Variants in TCF7 observed in about 807,000 individuals in gnomAD.
TCF7 encodes transcription factor 7.
TCF7 carries 19 observed loss-of-function variants against 46.8 expected under a neutral mutation model. The observed-to-expected ratio is 0.41, with a 90% CI of 0.28 to 0.60. The LOEUF is 0.60. Among genes scored for constraint, TCF7 ranks in the 20% least tolerant of loss-of-function variants. TCF7 has a pLI of 0.35. For missense variants in TCF7, 547 were observed against 504.6 expected (o/e 1.08, Z -0.81); for synonymous variants, 245 against 213.4 (o/e 1.15, Z -1.29).
At chr5:134,138,287 G>A in intron 4 of TCF7, 123 bp downstream of exon 4, 1 of 794,902 alleles carries the variant, frequency 1.3e-6, no homozygotes, top group South Asian at 1.9e-5. Context: ...TGCAAACTAA[G>A]GGCCCAAAGA....
chr5:134,138,500 G>A, intron 4 of TCF7: 2 of 310,036 alleles, frequency 6.5e-6, no homozygotes, highest in Non-Finnish European at 1.2e-5. Flanking sequence ...TGTGATGGCT[G>A]ATTCACCTCA....
intron 3 of TCF7, among the ~76,000 whole-genome samples, chr5:134,116,245 C>T (rs1755827447): frequency 6.6e-6 from 1 of 152,240 alleles, no homozygotes; most frequent in South Asian, 2.1e-4. Flanking sequence ...TGCCCTCTGC[C>T]TCTTGGCTTT....
rs1236493257 is a variant in TCF7 at position 134,115,551 on chromosome 5, C to T, written c.316+164C>T. 3.5e-6 allele frequency: 5 copies of T among 1,440,826 alleles called. No homozygotes were observed. In the African/African-American group the frequency reaches 5.9e-5, roughly 17 times the overall value. 89.3% of individuals were successfully genotyped at this position (1,440,826 alleles called of 1,614,324 possible). On this transcript the variant is annotated intron_variant, in intron 2 of 9. Transcript: ENST00000342854. ...TGGGGGGCGGGCTTCCCGGGCGCCG[C>T]CGGGTCGAGTCACTTCCGGTGCCCT... is the stretch of plus-strand genomic sequence containing the variant.
chr5:134,110,601 G>A (rs1755315496), upstream of TCF7, among the ~76,000 whole-genome samples: 1 of 152,250 alleles, frequency 6.6e-6, no homozygotes, highest in African/African-American at 2.4e-5. Flanking sequence ...TGCCCTGAGA[G>A]GATGCTCCAT....
chr5:134,118,897 T>C (rs1357411277), intron 3 of TCF7, among the ~76,000 whole-genome samples: 2 of 152,176 alleles, frequency 1.3e-5, no homozygotes, highest in Non-Finnish European at 2.9e-5. Flanking sequence ...TCCTCCCACC[T>C]CAGCCTTCTG....
In TCF7 at chr5:134,142,746, GAGA is replaced by G. The variant is rs780660501; in HGVS notation, c.784_786del (p.Lys262del). 8 of 1,614,176 alleles carry G rather than the reference GAGA, an allele frequency of 5.0e-6. No homozygotes were observed. The South Asian group carries it at 7.7e-5, about 16-fold the overall frequency. ...GAAGACACAAGCAGAGTCCAAGGCA[GAGA>G]AGGAGGCCAAGAAGCCAACCATCAA... On this transcript the variant is annotated inframe_deletion, in exon 7 of 10. Transcript: ENST00000342854.
intron 3 of TCF7, among the ~76,000 whole-genome samples, chr5:134,121,585 CAA>C (rs372851057): frequency 0.15 from 15,262 of 99,932 alleles, 1,106 homozygotes; most frequent in African/African-American, 0.24. Context: ...CCAGACTCCT[CAA>C]AAAAAAAAAA....
intron 3 of TCF7, among the ~76,000 whole-genome samples, chr5:134,134,519 CCTGG>C (rs1758587224): frequency 6.6e-6 from 1 of 152,188 alleles, no homozygotes; most frequent in Admixed American, 6.5e-5. Flanking sequence ...GCTGATGTTG[CCTGG>C]CTGGCTGGTG....
At chr5:134,122,147 C>G (rs1470593456) in intron 3 of TCF7, among the ~76,000 whole-genome samples, 6 of 152,138 alleles carry the variant, frequency 3.9e-5, no homozygotes, top group Admixed American at 3.9e-4. Flanking sequence ...CCTTTCAAAA[C>G]CAGGAGAGCA....
chr5:134,125,342 C>T (rs1051130259), intron 3 of TCF7, among the ~76,000 whole-genome samples: 4 of 152,230 alleles, frequency 2.6e-5, no homozygotes, highest in East Asian at 1.9e-4. Context: ...TCCCAGAGGA[C>T]GCCCCGCATT....
At chr5:134,135,087 G>A (rs1758665983) in intron 3 of TCF7, among the ~76,000 whole-genome samples, 1 of 152,190 alleles carries the variant, frequency 6.6e-6, no homozygotes, top group Non-Finnish European at 1.5e-5. Flanking sequence ...CTGAGTAGCT[G>A]AGGCTACAGG....
At chr5:134,114,349 C>T (rs1298785923), upstream of TCF7, among the ~76,000 whole-genome samples, 1 of 152,204 alleles carries the variant, frequency 6.6e-6, no homozygotes, top group East Asian at 1.9e-4. Flanking sequence ...ACCACGGCTG[C>T]GATGGTAAGC....
upstream of TCF7, among the ~76,000 whole-genome samples, chr5:134,113,984 G>A (rs530937607): frequency 1.2e-4 from 19 of 152,334 alleles, no homozygotes; most frequent in South Asian, 2.1e-4. Flanking sequence ...CATAGGGGCT[G>A]GGACTTGGAG....
At chr5:134,115,553 G>T (rs1755686252) in intron 2 of TCF7, 166 bp downstream of exon 2, 4 of 1,440,356 alleles carry the variant, frequency 2.8e-6, no homozygotes, top group South Asian at 1.5e-5. Flanking sequence ...GGGCGCCGCC[G>T]GGTCGAGTCA....
At chr5:134,136,059 G>A (rs868850785) in intron 3 of TCF7, among the ~76,000 whole-genome samples, 3 of 151,866 alleles carry the variant, frequency 2.0e-5, no homozygotes, top group South Asian at 2.1e-4. Context: ...GAGACTGTCT[G>A]GCTGGGTTGA....
In TCF7 at chr5:134,142,248, C is replaced by T. The variant is rs139513848; in HGVS notation, c.699C>T (p.His233=). 2 of 1,610,680 alleles carry T rather than the reference C, an allele frequency of 1.2e-6. No homozygotes were observed. The highest frequency in any genetic ancestry group is 1.7e-6 in the Non-Finnish European group (2 of 1,177,376). ...CTGGTCACCCAGCAGCCATCCCCCA[C>T]CCGGCCATTGTGCCCCCCTCAGGGA... ...GVPGHPAAIP[H]PAIVPPSGKQ... Residue 233 remains histidine (H), a synonymous_variant, in exon 6 of 10, where the codon CAC becomes CAT. Transcript: ENST00000342854.
intron 2 of TCF7, chr5:134,115,679 C>A: frequency 7.0e-7 from 1 of 1,431,152 alleles, no homozygotes; most frequent in South Asian, 1.5e-5. Flanking sequence ...GCCAAGGTTT[C>A]TTGGTTGGAG....
chr5:134,128,294 G>A (rs1333717948), intron 3 of TCF7, among the ~76,000 whole-genome samples: 4 of 152,110 alleles, frequency 2.6e-5, no homozygotes, highest in South Asian at 2.1e-4. Flanking sequence ...TCCCTCACTC[G>A]CCTCATGAAG....
chr5:134,114,948 C>G lies in TCF7; in HGVS notation c.42C>G (p.Gly14=). ...LDSGGGGAGG[G]DDLGAPDELL... ...CCGGCGGGGGCGGCGCGGGCGGCGG[C>G]GACGACCTCGGCGCGCCGGACGAGC... Residue 14 remains glycine (G), a synonymous_variant, in exon 1 of 10, where the codon GGC becomes GGG. Transcript: ENST00000342854. The G allele has an allele frequency of 8.9e-7, 1 of 1,129,498 alleles. No homozygotes were observed. The highest frequency in any genetic ancestry group is 1.1e-6 in the Non-Finnish European group (1 of 906,330). 70.0% of individuals were successfully genotyped at this position (1,129,498 alleles called of 1,614,324 possible).
Sources: gnomAD v4.1 joint callset for allele counts (sites outside exome capture counted in the v4.1 genomes callset) on GRCh38, gnomAD v4.1.1 for gene constraint, MANE v1.5 for transcripts, NCBI Gene and HGNC (gene_info 2026-07-23, HGNC 2026-07-21) for gene names.